The following SPAG1 variants were observed in gnomAD, a reference collection of about 807,000 sequenced individuals.
The protein encoded by SPAG1 is sperm associated antigen 1, also known as sperm-associated antigen 1.
In SPAG1, 69 loss-of-function variants were observed where a neutral mutation model predicts 100.5. That is an observed-to-expected ratio of 0.69 (90% confidence interval 0.57 to 0.84). The LOEUF is 0.84. SPAG1 is among the 40% of genes least tolerant of loss of function. The probability of loss-of-function intolerance (pLI) is 0.00; values close to 1 mark genes in which losing one functional copy is unlikely to be tolerated. For missense variants in SPAG1, 955 were observed against 1,133.1 expected (o/e 0.84, Z 2.26); for synonymous variants, 336 against 411.6 (o/e 0.82, Z 2.22).
intron 2 of SPAG1, chr8:100,165,389 T>C: frequency 2.1e-6 from 1 of 476,052 alleles, no homozygotes; most frequent in Non-Finnish European, 4.2e-6. Context: ...GTAAGACTGC[T>C]GTGAAAGGTG....
chr8:100,176,807 CCCTCT>C (rs140625738), intron 3 of SPAG1, among the ~76,000 whole-genome samples: 22,278 of 116,162 alleles, frequency 0.19, 2,360 homozygotes, highest in Middle Eastern at 0.26. Flanking sequence ...TCATAAATTT[CCCTCT>C]CCTCTCCTCT....
At chr8:100,193,326 T>C (rs527423204) in intron 9 of SPAG1, among the ~76,000 whole-genome samples, 2 of 151,978 alleles carry the variant, frequency 1.3e-5, no homozygotes, top group East Asian at 3.9e-4. Context: ...CCAGACATGG[T>C]GGTGTGGGCC....
chr8:100,213,002 C>G (rs1159224997), intron 10 of SPAG1, 88 bp from the exon 11 acceptor site: 8 of 1,132,742 alleles, frequency 7.1e-6, no homozygotes, highest in Non-Finnish European at 9.1e-6. Context: ...CCGCCCTCCG[C>G]GTCCTGCACC....
intron 10 of SPAG1, 62 bp from the exon 11 acceptor site, chr8:100,213,028 G>GCCTCCGCGA (rs1471477878): frequency 6.8e-6 from 9 of 1,329,876 alleles, no homozygotes; most frequent in Non-Finnish European, 8.7e-6. Flanking sequence ...GGCCTCCGCG[G>GCCTCCGCGA]CCTCCGCGGC....
At chr8:100,180,248 G>A (rs996184945) in intron 4 of SPAG1, among the ~76,000 whole-genome samples, 1 of 152,150 alleles carries the variant, frequency 6.6e-6, no homozygotes, top group Non-Finnish European at 1.5e-5. Flanking sequence ...TGAGGTAAGA[G>A]GATTGCTTGA....
chr8:100,187,195 T>C lies in SPAG1; in HGVS notation c.777T>C (p.Asn259=), dbSNP rs745674072. Residue 259 remains asparagine, a synonymous_variant, in exon 8 of 19, where the codon AAT becomes AAC. Coordinates refer to ENST00000388798, the MANE Select transcript of SPAG1 (RefSeq NM_003114.5). ...CAGAAATCAAATTACAGAACTGGAATAGTGCTTTTCAGGATTGTGAAAAGG... is the reference window on the plus strand; with the variant it reads ...CAGAAATCAAATTACAGAACTGGAACAGTGCTTTTCAGGATTGTGAAAAGG... ...AQAEIKLQNW[N]SAFQDCEKVL... The C allele has an allele frequency of 1.2e-6, 2 of 1,613,224 alleles. No individual in the cohort carries two copies. Among genetic ancestry groups the C allele is most frequent in the Non-Finnish European group, 8.5e-7 (1 of 1,179,388 alleles).
intron 10 of SPAG1, among the ~76,000 whole-genome samples, chr8:100,198,344 TA>T (rs554320686): frequency 1.1e-4 from 17 of 151,696 alleles, no homozygotes; most frequent in Middle Eastern, 3.4e-3. Flanking sequence ...TTAGGCGCCA[TA>T]AAAAAAACTA....
rs1467391999 is a variant in SPAG1, at chr8:100,183,371, T to C, written c.427-4T>C. On this transcript the variant is annotated splice_polypyrimidine_tract_variant and splice_region_variant and intron_variant, in intron 4 of 18. Coordinates refer to ENST00000388798, the MANE Select transcript of SPAG1 (RefSeq NM_003114.5). Reference sequence around the variant, plus strand: ...TCTCATAAAATATGATTTTATTCTTTTAGGAAAAATATTCTAAAAGACCAA... The same window carrying C: ...TCTCATAAAATATGATTTTATTCTTCTAGGAAAAATATTCTAAAAGACCAA... 3.2e-6 allele frequency: 4 copies of C among 1,259,198 alleles called. No homozygotes were observed. The highest frequency in any genetic ancestry group is 3.4e-6 in the Non-Finnish European group (3 of 872,342). 78.0% of individuals were successfully genotyped at this position (1,259,198 alleles called of 1,614,324 possible).
chr8:100,182,256 T>C (rs1471863448), intron 4 of SPAG1, among the ~76,000 whole-genome samples: 1 of 152,222 alleles, frequency 6.6e-6, no homozygotes, highest in Non-Finnish European at 1.5e-5. Flanking sequence ...TCTGTTCTGG[T>C]GCAGAACCTG....
rs73279020 is a variant in SPAG1 at position 100,164,356 on chromosome 8, T to A, written c.141-1458T>A. Among the ~76,000 whole-genome samples the A allele has an allele frequency of 6.1e-3, 922 of 152,330 alleles. 15 individuals are homozygous for A. The highest frequency in any genetic ancestry group is 0.022 in the African/African-American group (895 of 41,576). ...TTAGATTAAAATTTTGTTTCTTTGG[T>A]TGATATTAAACTGAAATTTATATGA... On this transcript the variant is annotated intron_variant, in intron 2 of 18. Coordinates refer to ENST00000388798, the MANE Select transcript of SPAG1 (RefSeq NM_003114.5).
chr8:100,233,347 T>C, intron 15 of SPAG1, 64 bp from the exon 16 acceptor site: 1 of 1,583,442 alleles, frequency 6.3e-7, no homozygotes, highest in Non-Finnish European at 8.6e-7. Flanking sequence ...TTCTTAGCTG[T>C]CTAAAACTTA....
At chr8:100,215,024 T>C (rs1388036219) in intron 12 of SPAG1, among the ~76,000 whole-genome samples, 2 of 68,630 alleles carry the variant, frequency 2.9e-5, no homozygotes, top group Admixed American at 1.4e-4. Context: ...TATATATATA[T>C]ATATATATAT....
intron 3 of SPAG1, among the ~76,000 whole-genome samples, chr8:100,174,493 G>T (rs1314140946): frequency 6.6e-6 from 1 of 152,150 alleles, no homozygotes; most frequent in African/African-American, 2.4e-5. Context: ...TGCACTTGGT[G>T]TAACTTTATA....
chr8:100,176,833 C>CCTCTCCTCTT (rs917833399), intron 3 of SPAG1, among the ~76,000 whole-genome samples: 1 of 147,884 alleles, frequency 6.8e-6, no homozygotes, highest in Non-Finnish European at 1.5e-5. Flanking sequence ...CCTCTCCTCT[C>CCTCTCCTCTT]CTCTCCTCTT....
At chr8:100,216,294 G>A (rs964190037) in intron 12 of SPAG1, among the ~76,000 whole-genome samples, 3 of 152,140 alleles carry the variant, frequency 2.0e-5, no homozygotes, top group Admixed American at 6.5e-5. Flanking sequence ...ACTTGTTTTA[G>A]GCCTTTCCAC....
At position 100,165,906 on chromosome 8, in the gene SPAG1, A is replaced by C. The variant is rs1815527950; in HGVS notation, c.233A>C (p.Asp78Ala). Reference sequence around the variant, plus strand: ...CCTGAAAGCAGAGCTTTGAGGAAAGATAAACCAGCAGCAACAGCAGCCAGT... The same window carrying C: ...CCTGAAAGCAGAGCTTTGAGGAAAGCTAAACCAGCAGCAACAGCAGCCAGT... ...LAPESRALRK[D>A]KPAATAASFT... is the part of the protein sequence containing the mutation. Residue 78 changes from aspartate (D) to alanine (A), a missense_variant, in exon 3 of 19, where the codon GAT becomes GCT. Physicochemically the swap from Asp to Ala is moderately radical, Grantham distance 126. Transcript: ENST00000388798. 1 of 1,614,250 alleles carries C rather than the reference A, an allele frequency of 6.2e-7. No homozygotes were observed. The highest frequency in any genetic ancestry group is 1.3e-5 in the African/African-American group (1 of 75,068).
At chr8:100,160,145 G>GT (rs1684262453) in intron 1 of SPAG1, among the ~76,000 whole-genome samples, 1 of 152,186 alleles carries the variant, frequency 6.6e-6, no homozygotes, top group Admixed American at 6.5e-5. Flanking sequence ...ATTAGCAGCA[G>GT]TATCTTTAAA....
At chr8:100,193,490 AAAAC>A (rs746777227) in intron 9 of SPAG1, among the ~76,000 whole-genome samples, 161 of 152,336 alleles carry the variant, frequency 1.1e-3, no homozygotes, top group Non-Finnish European at 1.9e-3. Context: ...ACAACAAAAC[AAAAC>A]AAACAAAAAA....
rs2514681 is a variant in SPAG1, at chr8:100,213,331, C to G, written c.1338C>G (p.Ala446=). The change falls in exon 11 of 19, where the codon GCC becomes GCG. Residue 446 remains alanine, a synonymous_variant. Transcript: ENST00000388798. The part of the protein sequence containing the change: ...PGGGQGAENP[A]GLKSQGNELF... ...GCGGGCAGGGCGCGGAGAACCCTGC[C>G]GGCCTGAAGAGCCAGGGCAACGAGC... The G allele has an allele frequency of 0.36, 469,133 of 1,311,082 alleles. 85,679 individuals are homozygous for G. Among genetic ancestry groups the G allele is most frequent in the East Asian group, 0.5 (15,936 of 32,156 alleles). 81.2% of individuals were successfully genotyped at this position (1,311,082 alleles called of 1,614,324 possible). A position where few individuals can be genotyped will look rare whatever the true frequency, so the allele number is the denominator to read the frequency against.
Sources: gnomAD v4.1 joint callset for allele counts (sites outside exome capture counted in the v4.1 genomes callset) on GRCh38, gnomAD v4.1.1 for gene constraint, MANE v1.5 for transcripts, NCBI Gene and HGNC (gene_info 2026-07-23, HGNC 2026-07-21) for gene names.